The following PDZRN3 variants were observed in gnomAD, a reference collection of about 807,000 sequenced individuals.
The protein encoded by PDZRN3 is E3 ubiquitin-protein ligase PDZRN3.
A neutral mutation model predicts 85.7 loss-of-function variants in PDZRN3; 38 were observed. The observed-to-expected ratio is 0.44, with a 90% CI of 0.34 to 0.58. The LOEUF (loss-of-function observed/expected upper bound fraction) is 0.58. Among genes scored for constraint, PDZRN3 ranks in the 20% least tolerant of loss-of-function variants. PDZRN3 has a pLI of 0.01. For synonymous variants in PDZRN3, 759 were observed against 638.0 expected (o/e 1.19, Z -2.86); for missense variants, 1,629 against 1,506.4 (o/e 1.08, Z -1.35).
rs1441307822 is a variant in PDZRN3 at position 73,383,836 on chromosome 3, G to A, written c.2730C>T (p.Ser910=). 2.5e-6 allele frequency: 4 copies of A among 1,613,838 alleles called. No individual in the cohort carries two copies. The highest frequency in any genetic ancestry group is 2.7e-5 in the African/African-American group (2 of 75,074). Residue 910 remains serine (S), a synonymous_variant, in exon 10 of 10, where the codon AGC becomes AGT. Coordinates refer to ENST00000263666, the MANE Select transcript of PDZRN3 (RefSeq NM_015009.3). ...MSLVSMCKDL[S]SPTPSEPRME... is the part of the protein sequence containing the mutation. ...TGCGCGGCTCCGACGGGGTGGGAGA[G>A]CTCAGGTCCTTGCACATGCTCACCA...
At chr3:73,559,502 G>A (rs533995940) in intron 3 of PDZRN3, among the ~76,000 whole-genome samples, 2 of 152,286 alleles carry the variant, frequency 1.3e-5, no homozygotes, top group South Asian at 2.1e-4. Context: ...CCTCTCTGGT[G>A]TGAAAGTGTC....
chr3:73,525,501 C>A (rs1704500775), intron 3 of PDZRN3, among the ~76,000 whole-genome samples: 1 of 152,152 alleles, frequency 6.6e-6, no homozygotes, highest in Non-Finnish European at 1.5e-5. Context: ...AAGGCTGAAT[C>A]CCTTTCATGT....
At chr3:73,534,465 T>C (rs1050890842) in intron 3 of PDZRN3, among the ~76,000 whole-genome samples, 1 of 152,216 alleles carries the variant, frequency 6.6e-6, no homozygotes, top group Non-Finnish European at 1.5e-5. Flanking sequence ...TCATTTTATG[T>C]GTTGATTTTT....
chr3:73,436,503 T>A (rs1238761049), intron 3 of PDZRN3, among the ~76,000 whole-genome samples: 1 of 151,930 alleles, frequency 6.6e-6, no homozygotes, highest in Non-Finnish European at 1.5e-5. Flanking sequence ...TGAGGGCCTT[T>A]AAGTTATGTT....
intron 3 of PDZRN3, among the ~76,000 whole-genome samples, chr3:73,496,625 A>G (rs1157200014): frequency 2.6e-5 from 4 of 152,172 alleles, no homozygotes; most frequent in Non-Finnish European, 4.4e-5. Context: ...ACAATTAGCA[A>G]TTCTTTAATT....
At chr3:73,555,418 TC>T (rs1395569718) in intron 3 of PDZRN3, among the ~76,000 whole-genome samples, 1 of 152,184 alleles carries the variant, frequency 6.6e-6, no homozygotes, top group Non-Finnish European at 1.5e-5. Flanking sequence ...GTAGGGAGAA[TC>T]CTAATTTGCA....
At chr3:73,589,425 A>C (rs1702323230) in intron 3 of PDZRN3, among the ~76,000 whole-genome samples, 1 of 152,208 alleles carries the variant, frequency 6.6e-6, no homozygotes, top group Non-Finnish European at 1.5e-5. Context: ...ACTTTCAAAC[A>C]AACTAAAGGA....
intron 3 of PDZRN3, among the ~76,000 whole-genome samples, chr3:73,465,077 G>C (rs373556555): frequency 1.2e-4 from 19 of 152,150 alleles, no homozygotes; most frequent in Non-Finnish European, 8.8e-5. Context: ...GTTGTCTCTA[G>C]GTTGCTTATC....
At chr3:73,611,593 A>G (rs906333536) in intron 1 of PDZRN3, among the ~76,000 whole-genome samples, 2 of 152,216 alleles carry the variant, frequency 1.3e-5, no homozygotes, top group Non-Finnish European at 2.9e-5. Context: ...CAACATGTAG[A>G]AGATTCGACA....
intron 3 of PDZRN3, among the ~76,000 whole-genome samples, chr3:73,494,747 C>T (rs919514862): frequency 6.6e-6 from 1 of 152,108 alleles, no homozygotes; most frequent in East Asian, 1.9e-4. Context: ...ATTTGAAGGA[C>T]ACTTATGTAG....
intron 3 of PDZRN3, among the ~76,000 whole-genome samples, chr3:73,571,310 C>T (rs1252616308): frequency 1.3e-5 from 2 of 152,174 alleles, no homozygotes; most frequent in East Asian, 3.8e-4. Context: ...GCCACACTCC[C>T]GCTATTCAGT....
chr3:73,400,793 G>T, intron 5 of PDZRN3, 129 bp downstream of exon 5: 1 of 715,638 alleles, frequency 1.4e-6, no homozygotes. Flanking sequence ...AAGGGCATCA[G>T]TAAAAGTGGT....
chr3:73,511,869 G>A (rs942187924), intron 3 of PDZRN3, among the ~76,000 whole-genome samples: 7 of 152,170 alleles, frequency 4.6e-5, no homozygotes, highest in Non-Finnish European at 7.3e-5. Context: ...GCTTCCAACC[G>A]TCTGGGCGAA....
At chr3:73,502,214 T>A (rs915253393) in intron 3 of PDZRN3, among the ~76,000 whole-genome samples, 1 of 152,196 alleles carries the variant, frequency 6.6e-6, no homozygotes, top group Non-Finnish European at 1.5e-5. Flanking sequence ...TGGTTGCTCA[T>A]GATGGAGAAT....
chr3:73,514,512 G>T (rs1479696015), intron 3 of PDZRN3, among the ~76,000 whole-genome samples: 1 of 152,116 alleles, frequency 6.6e-6, no homozygotes, highest in Non-Finnish European at 1.5e-5. Context: ...CTTGATTTGG[G>T]CTTTAAGGGC....
intron 3 of PDZRN3, among the ~76,000 whole-genome samples, chr3:73,534,730 T>C (rs538580722): frequency 1.3e-5 from 2 of 152,364 alleles, no homozygotes; most frequent in South Asian, 2.1e-4. Context: ...CTTCTCTTCA[T>C]ATCTTGTAGA....
At chr3:73,391,878 C>G (rs551903991) in intron 5 of PDZRN3, among the ~76,000 whole-genome samples, 1 of 152,200 alleles carries the variant, frequency 6.6e-6, no homozygotes, top group East Asian at 1.9e-4. Context: ...TTTTGTAGCT[C>G]CAAGCTGCAA....
chr3:73,514,120 CTTGTG>C (rs1284826868), intron 3 of PDZRN3, among the ~76,000 whole-genome samples: 30 of 152,108 alleles, frequency 2.0e-4, no homozygotes. Context: ...CTTAGAAGTA[CTTGTG>C]TTGTCTTCAG....
intron 3 of PDZRN3, among the ~76,000 whole-genome samples, chr3:73,564,989 C>T (rs1046136092): frequency 6.6e-6 from 1 of 152,190 alleles, no homozygotes; most frequent in Non-Finnish European, 1.5e-5. Flanking sequence ...TCTACATCTG[C>T]ATTATCAAAG....
Sources: allele counts gnomAD v4.1 joint callset (sites outside exome capture counted in the v4.1 genomes callset), GRCh38; gene constraint gnomAD v4.1.1; transcripts MANE v1.5; gene names NCBI Gene and HGNC (gene_info 2026-07-23, HGNC 2026-07-21).